SPATS2: variants seen among roughly 807,000 people sequenced by gnomAD.
The protein encoded by SPATS2 is spermatogenesis associated serine rich 2, also known as spermatogenesis-associated serine-rich protein 2.
In SPATS2, 38 loss-of-function variants were observed where a neutral mutation model predicts 63.7. The observed-to-expected ratio is 0.60, with a 90% CI of 0.46 to 0.78. SPATS2 has a LOEUF of 0.78. Among genes scored for constraint, SPATS2 ranks in the 30% least tolerant of loss-of-function variants. The pLI is 0.00. For synonymous variants in SPATS2, 207 were observed against 232.9 expected (o/e 0.89, Z 1.01); for missense variants, 588 against 666.2 (o/e 0.88, Z 1.29).
At chr12:49,380,158 C>A (rs1565693188) in intron 2 of SPATS2, among the ~76,000 whole-genome samples, 1 of 150,706 alleles carries the variant, frequency 6.6e-6, no homozygotes, top group African/African-American at 2.4e-5. Flanking sequence ...CAACCTCATT[C>A]CTCTCTCTCT....
chr12:49,410,319 G>A (rs534709605), intron 2 of SPATS2, among the ~76,000 whole-genome samples: 6 of 152,026 alleles, frequency 3.9e-5, no homozygotes, highest in Admixed American at 1.3e-4. Flanking sequence ...CAAGTGATCC[G>A]CCCACCTCGG....
At chr12:49,437,054 C>T (rs1204447094) in intron 2 of SPATS2, among the ~76,000 whole-genome samples, 4 of 151,752 alleles carry the variant, frequency 2.6e-5, no homozygotes, top group East Asian at 1.9e-4. Flanking sequence ...CGGGTGGAGA[C>T]GCTCCTCACT....
At chr12:49,515,513 G>A (rs371120475) in intron 10 of SPATS2, among the ~76,000 whole-genome samples, 1 of 152,200 alleles carries the variant, frequency 6.6e-6, no homozygotes, top group East Asian at 1.9e-4. Context: ...AATGACTTCA[G>A]CTTTGGTCCA....
chr12:49,464,083 A>G (rs574442117), intron 3 of SPATS2, among the ~76,000 whole-genome samples: 5 of 152,348 alleles, frequency 3.3e-5, no homozygotes, highest in South Asian at 2.1e-4. Context: ...GTGTGGCAAC[A>G]TCTAAGCCCT....
At chr12:49,372,365 C>A (rs549823880) in intron 2 of SPATS2, among the ~76,000 whole-genome samples, 36 of 152,234 alleles carry the variant, frequency 2.4e-4, no homozygotes, top group Non-Finnish European at 4.7e-4. Context: ...TACTTTTAAG[C>A]GGTGATTTTG....
chr12:49,372,636 T>C (rs1189604739), intron 2 of SPATS2, among the ~76,000 whole-genome samples: 2 of 152,154 alleles, frequency 1.3e-5, no homozygotes, highest in Non-Finnish European at 2.9e-5. Context: ...TGATTGAAAT[T>C]TAGGGTACTT....
intron 12 of SPATS2, among the ~76,000 whole-genome samples, chr12:49,523,351 C>T (rs539474952): frequency 7.6e-6 from 1 of 131,580 alleles, no homozygotes; most frequent in South Asian, 2.5e-4. Context: ...TGTGGTGGCA[C>T]ATGCTTGTAG....
intron 2 of SPATS2, among the ~76,000 whole-genome samples, chr12:49,385,745 G>C (rs118060785): frequency 0.012 from 1,797 of 152,242 alleles, 23 homozygotes; most frequent in Middle Eastern, 0.031. Flanking sequence ...GAGAATGGGA[G>C]AATGGCTGCA....
rs536564012 is a variant in SPATS2, at chr12:49,469,070, T to A, written c.25+8033T>A. Among the ~76,000 whole-genome samples the A allele has an allele frequency of 2.0e-3, 300 of 151,468 alleles. 2 individuals are homozygous for A. The highest frequency in any genetic ancestry group is 6.8e-3 in the African/African-American group (281 of 41,288). On this transcript the variant is annotated intron_variant, in intron 3 of 13. Transcript: ENST00000552918. ...ATCAGGAGTTTGAAACTAGCCTGAG[T>A]AACACAGTGAGACCCCATCTCTACA...
At position 49,367,810 on chromosome 12, in the gene SPATS2, A is replaced by G. The variant is rs187463535; in HGVS notation, c.-307+223A>G. ...CCCGCGTCGGAGTTGGGGAGTTTCC[A>G]GACGGATAGGCCGGGGAAACAATGG... On this transcript the variant is annotated intron_variant, in intron 1 of 13. Coordinates refer to ENST00000552918, the MANE Select transcript of SPATS2 (RefSeq NM_023071.4). Among the ~76,000 whole-genome samples, 89 of 151,248 alleles carry G rather than the reference A, an allele frequency of 5.9e-4. No individual in the cohort carries two copies. The East Asian group carries it at 0.011, about 19-fold the overall frequency.
chr12:49,495,120 A>T (rs568663869), intron 7 of SPATS2, 118 bp downstream of exon 7: 1 of 1,100,068 alleles, frequency 9.1e-7, no homozygotes, highest in Non-Finnish European at 1.2e-6. Flanking sequence ...CTTGCTGATT[A>T]GTCTTTTTAC....
At chr12:49,511,981 T>C (rs987173573) in intron 9 of SPATS2, among the ~76,000 whole-genome samples, 1 of 152,226 alleles carries the variant, frequency 6.6e-6, no homozygotes, top group Non-Finnish European at 1.5e-5. Flanking sequence ...TGGAACCATT[T>C]GGAATTTGCA....
chr12:49,514,320 T>C, intron 9 of SPATS2: 7 of 471,756 alleles, frequency 1.5e-5, no homozygotes, highest in Non-Finnish European at 2.3e-5. Flanking sequence ...TGCTGCAATG[T>C]ACCAATATTG....
intron 2 of SPATS2, among the ~76,000 whole-genome samples, chr12:49,390,902 G>A (rs187463335): frequency 2.0e-5 from 3 of 152,220 alleles, no homozygotes; most frequent in East Asian, 1.9e-4. Context: ...GTTTTGGTTC[G>A]AAGTCAGTAA....
At chr12:49,466,184 A>G (rs374784291) in intron 3 of SPATS2, among the ~76,000 whole-genome samples, 5 of 151,408 alleles carry the variant, frequency 3.3e-5, no homozygotes, top group East Asian at 3.9e-4. Flanking sequence ...GTTTTTTTGA[A>G]ACGGAGTCTC....
rs1350809787 is a variant in SPATS2, at chr12:49,494,852, A to G, written c.376A>G (p.Lys126Glu). ...GGAACAGTCTGCGCCTTCCTCAGAG[A>G]AAGGTGGTATGAATGGCTACCATGT... Reference protein sequence around the residue: ...QEEQSAPSSEKGGMNGYHVNG... With the variant: ...QEEQSAPSSEEGGMNGYHVNG... Residue 126 changes from lysine (K) to glutamate (E), a missense_variant, in exon 7 of 14, where the codon AAA (lysine) becomes GAA (glutamate). Physicochemically the swap from Lys to Glu is moderately conservative, Grantham distance 56 (BLOSUM62 1). Coordinates refer to ENST00000552918, the MANE Select transcript of SPATS2 (RefSeq NM_023071.4). 2 of 1,613,902 alleles carry G rather than the reference A, an allele frequency of 1.2e-6. No individual in the cohort carries two copies. The highest frequency in any genetic ancestry group is 1.3e-5 in the African/African-American group (1 of 74,986).
At chr12:49,415,281 G>T (rs961199402) in intron 2 of SPATS2, among the ~76,000 whole-genome samples, 52 of 151,840 alleles carry the variant, frequency 3.4e-4, no homozygotes, top group Non-Finnish European at 1.5e-4. Context: ...CTGACCTCAG[G>T]TGATCCACCC....
At chr12:49,381,786 GAAGA>G (rs1293253531) in intron 2 of SPATS2, among the ~76,000 whole-genome samples, 1 of 152,160 alleles carries the variant, frequency 6.6e-6, no homozygotes, top group Non-Finnish European at 1.5e-5. Context: ...GTGTTCAAAA[GAAGA>G]TAGATGAGAA....
intron 9 of SPATS2, among the ~76,000 whole-genome samples, chr12:49,504,472 A>T (rs1349557861): frequency 6.6e-6 from 1 of 152,228 alleles, no homozygotes; most frequent in Non-Finnish European, 1.5e-5. Flanking sequence ...GGAGTGGAAC[A>T]TGAAGCTAGA....
Sources: allele counts gnomAD v4.1 joint callset (sites outside exome capture counted in the v4.1 genomes callset), GRCh38; gene constraint gnomAD v4.1.1; transcripts MANE v1.5; gene names NCBI Gene and HGNC (gene_info 2026-07-23, HGNC 2026-07-21).